The following MGST1 variants were observed in gnomAD, a reference collection of about 807,000 sequenced individuals.
The protein encoded by MGST1 is microsomal glutathione S-transferase 1.
In MGST1, 5 loss-of-function variants were observed where a neutral mutation model predicts 8.9. The observed-to-expected ratio is 0.56, with a 90% CI of 0.29 to 1.19. MGST1 has a LOEUF of 1.19. Ranked by LOEUF, MGST1 falls within the 50% of genes most tolerant of loss-of-function variation. The pLI is 0.08. For missense variants in MGST1, 182 were observed against 187.4 expected, an observed-to-expected ratio of 0.97 and a Z score of 0.17; for synonymous variants, 54 against 67.8, an observed-to-expected ratio of 0.80 and a Z score of 1.00.
intron 4 of MGST1, among the ~76,000 whole-genome samples, chr12:16,554,193 A>C (rs1163714488): frequency 2.0e-5 from 3 of 152,194 alleles, no homozygotes; most frequent in Non-Finnish European, 4.4e-5. Flanking sequence ...TAAATAGTAA[A>C]TCATCCTTAT....
chr12:16,364,727 A>G (rs760862364), downstream of MGST1, among the ~76,000 whole-genome samples: 1 of 152,144 alleles, frequency 6.6e-6, no homozygotes, highest in Non-Finnish European at 1.5e-5. The surrounding 1 kb of genome is among the most constrained non-coding windows in gnomAD (Gnocchi z 5.7). Flanking sequence ...TCATATATAG[A>G]GTCCTTATTC....
At chr12:16,438,469 A>G (rs895106474) in exon 2 of MGST1, 1 of 151,880 alleles carries the variant, frequency 6.6e-6, no homozygotes, top group South Asian at 2.1e-4. Context: ...GTTGCTTAGC[A>G]GGGTGATTTT....
At chr12:16,476,392 T>A (rs781678579) in intron 4 of MGST1, among the ~76,000 whole-genome samples, 1 of 152,204 alleles carries the variant, frequency 6.6e-6, no homozygotes, top group African/African-American at 2.4e-5. Context: ...CTTATTCCCA[T>A]GAATATTGAG....
chr12:16,384,990 A>G (rs1940492216), intron 1 of MGST1, among the ~76,000 whole-genome samples: 1 of 152,232 alleles, frequency 6.6e-6, no homozygotes, highest in Non-Finnish European at 1.5e-5. Flanking sequence ...GTAGAGGCCA[A>G]AGAAGGAACA....
At chr12:16,438,781 T>C (rs1028734170), downstream of MGST1, 1 of 151,920 alleles carries the variant, frequency 6.6e-6, no homozygotes, top group Non-Finnish European at 1.5e-5. Context: ...TTTGCATGTC[T>C]TATCTTTGCC....
intron 1 of MGST1, chr12:16,348,936 T>G (rs1224056595): frequency 2.0e-5 from 3 of 151,686 alleles, no homozygotes; most frequent in African/African-American, 7.3e-5. Flanking sequence ...GGAGGTCAGG[T>G]CAGCACAGAG....
intron 4 of MGST1, among the ~76,000 whole-genome samples, chr12:16,516,793 A>G (rs1941618133): frequency 6.6e-6 from 1 of 152,182 alleles, no homozygotes; most frequent in Non-Finnish European, 1.5e-5. Context: ...GTTATGGCAA[A>G]CCCACTGACT....
intron 1 of MGST1, among the ~76,000 whole-genome samples, chr12:16,436,784 A>T (rs1228813988): frequency 6.6e-6 from 1 of 152,028 alleles, no homozygotes; most frequent in African/African-American, 2.4e-5. Flanking sequence ...CCTTGTCCAC[A>T]GTCATGCAGC....
chr12:16,409,021 T>C (rs931699478), intron 1 of MGST1, among the ~76,000 whole-genome samples: 6 of 152,200 alleles, frequency 3.9e-5, no homozygotes, highest in Non-Finnish European at 8.8e-5. Flanking sequence ...CTGAACAAAA[T>C]TTTAATTTTG....
intron 4 of MGST1, among the ~76,000 whole-genome samples, chr12:16,506,361 T>A (rs980245887): frequency 1.3e-5 from 2 of 152,136 alleles, no homozygotes; most frequent in Non-Finnish European, 2.9e-5. Context: ...TTGCCTGCCA[T>A]CTACTCTGGA....
At chr12:16,356,358 C>A (rs1283521178) in intron 2 of MGST1, among the ~76,000 whole-genome samples, 1 of 151,912 alleles carries the variant, frequency 6.6e-6, no homozygotes, top group Non-Finnish European at 1.5e-5. Flanking sequence ...GTGTGCCAGG[C>A]ACTTATTTAG....
At chr12:16,432,910 C>T (rs944614936) in intron 1 of MGST1, among the ~76,000 whole-genome samples, 3 of 151,998 alleles carry the variant, frequency 2.0e-5, no homozygotes, top group Admixed American at 2.0e-4. Context: ...TGGTGTCTGT[C>T]AATGGTGACC....
intron 4 of MGST1, among the ~76,000 whole-genome samples, chr12:16,525,522 T>G (rs1269974362): frequency 6.8e-6 from 1 of 148,022 alleles, no homozygotes; most frequent in Non-Finnish European, 1.5e-5. Flanking sequence ...ATGTGCCACA[T>G]TTTCTTAATC....
intron 4 of MGST1, among the ~76,000 whole-genome samples, chr12:16,469,352 AT>A (rs1022504768): frequency 6.6e-6 from 1 of 151,418 alleles, no homozygotes. Flanking sequence ...TGTCCAGCTA[AT>A]TTTTTTTGTA....
intron 1 of MGST1, among the ~76,000 whole-genome samples, chr12:16,405,869 A>G (rs1479910519): frequency 6.6e-6 from 1 of 152,228 alleles, no homozygotes; most frequent in Non-Finnish European, 1.5e-5. Context: ...ACATCGCTTC[A>G]TATTAAAAAC....
downstream of MGST1, among the ~76,000 whole-genome samples, chr12:16,378,688 G>A (rs10846340): frequency 8.5e-4 from 114 of 134,252 alleles, 3 homozygotes; most frequent in South Asian, 6.8e-3. Flanking sequence ...GTGAAGAAAG[G>A]CATTGGTAGC....
At chr12:16,472,924 G>A (rs747776118) in intron 4 of MGST1, among the ~76,000 whole-genome samples, 4 of 152,100 alleles carry the variant, frequency 2.6e-5, no homozygotes, top group Non-Finnish European at 5.9e-5. Flanking sequence ...TCCTTGCATC[G>A]GTTTCTTAGC....
rs1042165256 is a variant in MGST1 at position 16,493,638 on chromosome 12, C to T, written n.483-95890C>T. Among the ~76,000 whole-genome samples the T allele has an allele frequency of 2.6e-5, 4 of 152,120 alleles. No homozygotes were observed. In the South Asian group the frequency reaches 8.3e-4, roughly 31 times the overall value. On this transcript the variant is annotated intron_variant and non_coding_transcript_variant, in intron 4 of 4. Transcript: ENST00000538857. ...GTATTTTGGTTAAGAAGTGTTCTTA[C>T]TTGACCATATCAGAGACCTAGTTTT...
rs1409086712 is a variant in MGST1 at position 16,555,818 on chromosome 12, C to T, written n.483-33710C>T. ...CTGAAAATTCCTTTCCTCACTGCTC[C>T]CTGGCTCCCTCATCTTCCCCAACCC... is the stretch of plus-strand genomic sequence containing the variant. On this transcript the variant is annotated intron_variant and non_coding_transcript_variant, in intron 4 of 4. Transcript: ENST00000538857. This position sits in a 1 kb window ranked among gnomAD's most constrained non-coding sequence, Gnocchi z 5.5. Among the ~76,000 whole-genome samples the T allele has an allele frequency of 6.6e-6, 1 of 152,152 alleles. No homozygotes were observed. Among genetic ancestry groups the T allele is most frequent in the African/African-American group, 2.4e-5 (1 of 41,422 alleles).
Sources: gnomAD v4.1 joint callset for allele counts (sites outside exome capture counted in the v4.1 genomes callset) on GRCh38, gnomAD v4.1.1 for gene constraint, Gnocchi (gnomAD v3.1) non-coding constraint, MANE v1.5 for transcripts, NCBI Gene and HGNC (gene_info 2026-07-23, HGNC 2026-07-21) for gene names.